The following KCNT2 variants were observed in gnomAD, a reference collection of about 807,000 sequenced individuals.
The protein encoded by KCNT2 is potassium sodium-activated channel subfamily T member 2, also known as potassium channel subfamily T member 2.
In KCNT2, 67 loss-of-function variants were observed where a neutral mutation model predicts 153.8. The observed-to-expected ratio is 0.44, with a 90% CI of 0.36 to 0.53. The LOEUF (loss-of-function observed/expected upper bound fraction) is 0.53, where lower values mean the gene tolerates loss of function less well. Ranked by LOEUF, KCNT2 falls within the 20% of genes least tolerant of loss-of-function variation. The pLI, the probability that KCNT2 is intolerant of heterozygous loss-of-function variation, is 0.00. For synonymous variants in KCNT2, 500 were observed against 458.8 expected (o/e 1.09, Z -1.15); for missense variants, 975 against 1,354.8 (o/e 0.72, Z 4.40).
At chr1:196,325,765 A>G (rs546797780) in intron 19 of KCNT2, among the ~76,000 whole-genome samples, 5 of 152,128 alleles carry the variant, frequency 3.3e-5, no homozygotes, top group African/African-American at 1.2e-4. Flanking sequence ...TACAAGTGTG[A>G]TAAATTTTTG....
chr1:196,500,491 G>A (rs1680613891), intron 1 of KCNT2, among the ~76,000 whole-genome samples: 2 of 152,270 alleles, frequency 1.3e-5, no homozygotes, highest in South Asian at 4.1e-4. Flanking sequence ...TAGAACATTT[G>A]TAAAATATTA....
rs74133634 is a variant in KCNT2, at chr1:196,233,450, C to T, written c.3296+2536G>A. Reference sequence around the variant, plus strand: ...TGTTTCTGCCCTAAAACAAAACACTCGTCAGTAGTACAACACTAATTATTC... The same window carrying T: ...TGTTTCTGCCCTAAAACAAAACACTTGTCAGTAGTACAACACTAATTATTC... On this transcript the variant is annotated intron_variant, in intron 27 of 27. Transcript: ENST00000294725. 2.5e-3 allele frequency among the ~76,000 whole-genome samples: 384 copies of T among 151,476 alleles called. 2 individuals are homozygous for T. Among genetic ancestry groups the T allele is most frequent in the African/African-American group, 8.7e-3 (361 of 41,446 alleles).
chr1:196,325,471 G>T (rs545620297), intron 19 of KCNT2, among the ~76,000 whole-genome samples: 19 of 152,040 alleles, frequency 1.2e-4, no homozygotes, highest in Non-Finnish European at 2.5e-4. Flanking sequence ...CCCTCCTGTG[G>T]CAGCTCAGCC....
intron 25 of KCNT2, among the ~76,000 whole-genome samples, chr1:196,264,478 C>G (rs1384482987): frequency 3.3e-5 from 5 of 152,062 alleles, no homozygotes; most frequent in African/African-American, 1.2e-4. Flanking sequence ...CATAAATAGT[C>G]TGCCTCCATT....
intron 14 of KCNT2, among the ~76,000 whole-genome samples, chr1:196,364,620 T>G (rs974462398): frequency 2.6e-5 from 4 of 152,146 alleles, no homozygotes; most frequent in Non-Finnish European, 5.9e-5. Context: ...ACCACCTTTC[T>G]GTAATTTTAC....
At chr1:196,570,067 T>TAAAAAAAAAAAAAAAAAAAAAA (rs199836975) in intron 1 of KCNT2, among the ~76,000 whole-genome samples, 2 of 133,740 alleles carry the variant, frequency 1.5e-5, no homozygotes, top group African/African-American at 7.3e-5. Context: ...TGAGCTAGAG[T>TAAAAAAAAAAAAAAAAAAAAAA]AAAAAAAAAA....
At chr1:196,236,424 C>G (rs1390123125) in intron 26 of KCNT2, among the ~76,000 whole-genome samples, 11 of 151,374 alleles carry the variant, frequency 7.3e-5, no homozygotes, top group Non-Finnish European at 1.5e-4. Context: ...AAAAAATAAT[C>G]ATGGTTATAG....
intron 22 of KCNT2, among the ~76,000 whole-genome samples, chr1:196,294,844 A>C (rs1289780610): frequency 6.6e-6 from 1 of 151,718 alleles, no homozygotes; most frequent in Non-Finnish European, 1.5e-5. Flanking sequence ...AAAAAAAATT[A>C]TGTCATTAAA....
chr1:196,467,338 C>T (rs1039089370), intron 7 of KCNT2, among the ~76,000 whole-genome samples: 22 of 152,008 alleles, frequency 1.4e-4, no homozygotes, highest in African/African-American at 5.1e-4. Context: ...GGACATTTTA[C>T]AAGTTTTCAT....
At chr1:196,463,561 A>C (rs1371255138) in intron 8 of KCNT2, among the ~76,000 whole-genome samples, 1 of 151,746 alleles carries the variant, frequency 6.6e-6, no homozygotes, top group African/African-American at 2.4e-5. Flanking sequence ...ATATTAGATA[A>C]CATCTCAAAA....
chr1:196,275,153 T>C (rs576331988), intron 25 of KCNT2, among the ~76,000 whole-genome samples: 1 of 151,948 alleles, frequency 6.6e-6, no homozygotes, highest in Non-Finnish European at 1.5e-5. Flanking sequence ...TTTTATATTA[T>C]GGATTGAGAA....
intron 5 of KCNT2, among the ~76,000 whole-genome samples, chr1:196,474,769 T>C (rs1432140067): frequency 6.6e-6 from 1 of 152,200 alleles, no homozygotes; most frequent in South Asian, 2.1e-4. Context: ...AGGGTATTTA[T>C]GATGACAAAA....
chr1:196,567,994 A>G (rs919339522), intron 1 of KCNT2, among the ~76,000 whole-genome samples: 2 of 152,172 alleles, frequency 1.3e-5, no homozygotes, highest in African/African-American at 4.8e-5. Context: ...TAAGGAAGCA[A>G]TGAAACAAAA....
intron 14 of KCNT2, among the ~76,000 whole-genome samples, chr1:196,346,706 A>G (rs1355492888): frequency 6.6e-6 from 1 of 152,134 alleles, no homozygotes; most frequent in East Asian, 1.9e-4. Flanking sequence ...GGATGGAATT[A>G]AAATAATAAA....
intron 8 of KCNT2, among the ~76,000 whole-genome samples, chr1:196,464,567 G>T (rs1031196396): frequency 6.6e-5 from 10 of 151,616 alleles, no homozygotes; most frequent in African/African-American, 1.9e-4. Context: ...TTTCTCAATA[G>T]GGTCAGACCC....
intron 25 of KCNT2, among the ~76,000 whole-genome samples, chr1:196,264,172 T>C (rs1167060435): frequency 6.6e-6 from 1 of 152,226 alleles, no homozygotes; most frequent in African/African-American, 2.4e-5. Context: ...TATGTTTTTG[T>C]TCCTGTTTTA....
intron 22 of KCNT2, among the ~76,000 whole-genome samples, chr1:196,292,470 C>A (rs1660269556): frequency 6.6e-6 from 1 of 152,016 alleles, no homozygotes; most frequent in Non-Finnish European, 1.5e-5. Context: ...AAGTTCTGGC[C>A]AGAGCAATCA....
intron 1 of KCNT2, among the ~76,000 whole-genome samples, chr1:196,540,247 T>C (rs1656171478): frequency 2.6e-5 from 4 of 152,120 alleles, no homozygotes. Flanking sequence ...TCAAAAATAA[T>C]CTCTTAATAC....
At chr1:196,558,276 A>T (rs906239662) in intron 1 of KCNT2, among the ~76,000 whole-genome samples, 3 of 151,502 alleles carry the variant, frequency 2.0e-5, no homozygotes, top group Non-Finnish European at 4.4e-5. Flanking sequence ...CATAAATGGA[A>T]AGTAGAATCA....
Sources: gnomAD v4.1 joint callset for allele counts (sites outside exome capture counted in the v4.1 genomes callset) on GRCh38, gnomAD v4.1.1 for gene constraint, MANE v1.5 for transcripts, NCBI Gene and HGNC (gene_info 2026-07-23, HGNC 2026-07-21) for gene names.